The following CMIP variants were observed in gnomAD, a reference collection of about 807,000 sequenced individuals.
The protein encoded by CMIP is C-Maf-inducing protein.
A neutral mutation model predicts 97.3 loss-of-function variants in CMIP; 13 were observed. The ratio of observed to expected loss-of-function variants is 0.13; its 90% CI spans 0.09 to 0.21. The LOEUF is 0.21. Ranked by LOEUF, CMIP falls within the 10% of genes least tolerant of loss-of-function variation. CMIP has a pLI of 1.00. For missense variants in CMIP, 847 were observed against 1,024.9 expected, an observed-to-expected ratio of 0.83 and a Z score of 2.37; for synonymous variants, 538 against 436.3, an observed-to-expected ratio of 1.23 and a Z score of -2.91.
chr16:81,533,418 T>C (rs562393199), intron 1 of CMIP, among the ~76,000 whole-genome samples: 1 of 152,362 alleles, frequency 6.6e-6, no homozygotes, highest in South Asian at 2.1e-4. Flanking sequence ...CAGTACATGG[T>C]AGCTAAGGTT....
In CMIP at chr16:81,709,742, C is replaced by G. The variant is rs749718536; in HGVS notation, c.2269-4C>G. ...GTGACAAGGACTCTTATTGCCACCCCCAGGCCAAGCTTCCCAATTTGAAGG... is the reference window on the plus strand; with the variant it reads ...GTGACAAGGACTCTTATTGCCACCCGCAGGCCAAGCTTCCCAATTTGAAGG... On this transcript the variant is annotated splice_region_variant and splice_polypyrimidine_tract_variant and intron_variant, in intron 20 of 20. Coordinates refer to ENST00000537098, the MANE Select transcript of CMIP (RefSeq NM_198390.3). 2.5e-6 allele frequency: 4 copies of G among 1,613,792 alleles called. No individual in the cohort carries two copies. The highest frequency in any genetic ancestry group is 3.4e-6 in the Non-Finnish European group (4 of 1,179,860).
chr16:81,455,630 G>A (rs988034449), intron 1 of CMIP, among the ~76,000 whole-genome samples: 3 of 152,102 alleles, frequency 2.0e-5, no homozygotes, highest in African/African-American at 7.2e-5. Flanking sequence ...GCCCAGCTGT[G>A]GTGCACACAG....
At chr16:81,626,809 GTGTGTGT>G (rs2092075880) in intron 3 of CMIP, among the ~76,000 whole-genome samples, 6 of 133,076 alleles carry the variant, frequency 4.5e-5, no homozygotes, top group African/African-American at 5.5e-5. Flanking sequence ...GTGTGTGTGT[GTGTGTGT>G]GGGGTGCATA....
chr16:81,634,622 A>G (rs1012525783), intron 3 of CMIP, among the ~76,000 whole-genome samples: 15 of 152,172 alleles, frequency 9.9e-5, no homozygotes, highest in South Asian at 6.2e-4. Flanking sequence ...CCGCCTCCCC[A>G]GGGAGGGCAG....
chr16:81,554,787 C>G (rs1456802031), intron 1 of CMIP, among the ~76,000 whole-genome samples: 1 of 152,228 alleles, frequency 6.6e-6, no homozygotes, highest in Non-Finnish European at 1.5e-5. Context: ...TCTGGTAAGA[C>G]TCTGTGGGAC....
intron 1 of CMIP, among the ~76,000 whole-genome samples, chr16:81,491,008 C>G (rs868849290): frequency 6.6e-6 from 1 of 151,976 alleles, no homozygotes. Context: ...GTGGAGGGGT[C>G]GAGATTTGAA....
Position 81,579,922 on chromosome 16 carries a change from C to T in CMIP, c.301-27645C>T, listed in dbSNP as rs1002028305. Reference sequence around the variant, plus strand: ...AGTGAGCCGAGATCGCACCACTGCACTCCAGCCCGCCTGGGCGACAGTGCG... The same window carrying T: ...AGTGAGCCGAGATCGCACCACTGCATTCCAGCCCGCCTGGGCGACAGTGCG... On this transcript the variant is annotated intron_variant, in intron 1 of 20. Coordinates refer to ENST00000537098, the MANE Select transcript of CMIP (RefSeq NM_198390.3). Among the ~76,000 whole-genome samples, 14 of 152,276 alleles carry T rather than the reference C, an allele frequency of 9.2e-5. No homozygotes were observed. In the South Asian group the frequency reaches 2.7e-3, roughly 29 times the overall value.
intron 1 of CMIP, among the ~76,000 whole-genome samples, chr16:81,562,548 G>A (rs1267952986): frequency 2.0e-5 from 3 of 152,280 alleles, no homozygotes; most frequent in Non-Finnish European, 2.9e-5. Flanking sequence ...GCCCATGAGA[G>A]TAGGACATGT....
chr16:81,483,029 A>C (rs2966085), intron 1 of CMIP, among the ~76,000 whole-genome samples: 1 of 152,130 alleles, frequency 6.6e-6, no homozygotes, highest in Admixed American at 6.5e-5. Context: ...ACTGGAGGAG[A>C]GGAAAATGAA....
intron 2 of CMIP, chr16:81,620,274 A>T (rs559315349): frequency 6.6e-6 from 1 of 152,602 alleles, no homozygotes; most frequent in Non-Finnish European, 1.5e-5. Flanking sequence ...GCCGTTTACC[A>T]TGATCTTCTG....
intron 9 of CMIP, among the ~76,000 whole-genome samples, chr16:81,674,016 C>A (rs559412174): frequency 6.6e-6 from 1 of 152,314 alleles, no homozygotes; most frequent in East Asian, 1.9e-4. Flanking sequence ...CTGAGTTCTT[C>A]GGAGGGGCAG....
intron 1 of CMIP, among the ~76,000 whole-genome samples, chr16:81,570,331 A>G (rs1424131690): frequency 1.3e-5 from 2 of 152,182 alleles, no homozygotes; most frequent in Non-Finnish European, 2.9e-5. Flanking sequence ...GGGAACTGGC[A>G]GTAGACTTCC....
chr16:81,487,761 G>T (rs751556926), intron 1 of CMIP, among the ~76,000 whole-genome samples: 3 of 152,240 alleles, frequency 2.0e-5, no homozygotes, highest in Non-Finnish European at 4.4e-5. Flanking sequence ...CCCATGCAAA[G>T]TGTTTGGTTG....
intron 19 of CMIP, 98 bp from the exon 20 acceptor site, chr16:81,706,916 G>A (rs1302584330): frequency 2.1e-6 from 2 of 969,374 alleles, no homozygotes; most frequent in Admixed American, 1.9e-5. Context: ...CTAACAGGGG[G>A]CCTGGCACCT....
intron 1 of CMIP, among the ~76,000 whole-genome samples, chr16:81,558,900 C>G (rs373726988): frequency 6.6e-6 from 1 of 152,236 alleles, no homozygotes; most frequent in African/African-American, 2.4e-5. Context: ...CCAACCCCGC[C>G]ACCAGGTACT....
chr16:81,445,594 G>C (rs1445032883), intron 1 of CMIP, 53 bp downstream of exon 1: 4 of 1,504,972 alleles, frequency 2.7e-6, no homozygotes, highest in Non-Finnish European at 3.6e-6. Flanking sequence ...CCCGAGATGC[G>C]CCCTCCCTGG....
At chr16:81,603,378 G>C in intron 1 of CMIP, 1 of 454,236 alleles carries the variant, frequency 2.2e-6, no homozygotes, top group Non-Finnish European at 4.4e-6. Context: ...CACCGCGCCC[G>C]GCCTTGTTTT....
intron 9 of CMIP, 57 bp downstream of exon 9, chr16:81,672,127 C>T (rs1488643702): frequency 8.8e-6 from 9 of 1,023,238 alleles, no homozygotes; most frequent in South Asian, 1.4e-5. Flanking sequence ...CTGCCACCCC[C>T]ATCATGGGCA....
At chr16:81,696,443 C>A in intron 13 of CMIP, 117 bp from the exon 14 acceptor site, 1 of 974,818 alleles carries the variant, frequency 1.0e-6, no homozygotes, top group Non-Finnish European at 1.6e-6. Context: ...CAAAGTTAAG[C>A]GGGTTTCTTG....
Sources: gnomAD v4.1 joint callset for allele counts (sites outside exome capture counted in the v4.1 genomes callset) on GRCh38, gnomAD v4.1.1 for gene constraint, MANE v1.5 for transcripts, NCBI Gene and HGNC (gene_info 2026-07-23, HGNC 2026-07-21) for gene names.